The following KLHDC4 variants were observed in gnomAD, a reference collection of about 807,000 sequenced individuals.
The protein encoded by KLHDC4 is kelch domain containing 4.
In KLHDC4, 90 loss-of-function variants were observed where a neutral mutation model predicts 62.4. That is an observed-to-expected ratio of 1.44 (90% CI 1.22 to 1.72). The LOEUF is 1.72. KLHDC4 is among the 40% of genes most tolerant of loss of function. The pLI is 0.00. For missense variants in KLHDC4, 1,025 were observed against 699.7 expected (o/e 1.47, Z -5.25); for synonymous variants, 386 against 284.4 (o/e 1.36, Z -3.59).
chr16:87,705,044 C>T (rs1458234282), downstream of KLHDC4, among the ~76,000 whole-genome samples: 7 of 152,306 alleles, frequency 4.6e-5, no homozygotes, highest in African/African-American at 1.2e-4. Context: ...CTGGTACGCC[C>T]GCCCACCCTG....
At chr16:87,738,245 C>A (rs1269691162) in intron 5 of KLHDC4, among the ~76,000 whole-genome samples, 2 of 152,148 alleles carry the variant, frequency 1.3e-5, no homozygotes, top group African/African-American at 2.4e-5. Context: ...TGCCGAGGAG[C>A]CTTCTCCAGG....
chr16:87,757,602 A>C (rs1376325252), intron 2 of KLHDC4: 5 of 151,978 alleles, frequency 3.3e-5, no homozygotes, highest in African/African-American at 1.2e-4. Flanking sequence ...ACATAATAAT[A>C]TTATGGGCCA....
intron 7 of KLHDC4, among the ~76,000 whole-genome samples, chr16:87,717,854 C>A (rs998300142): frequency 6.6e-6 from 1 of 152,172 alleles, no homozygotes; most frequent in African/African-American, 2.4e-5. Context: ...CTATATGAAC[C>A]GTCTTGTTTT....
chr16:87,756,721 C>CAAAA (rs35385743), intron 2 of KLHDC4, among the ~76,000 whole-genome samples: 1 of 98,802 alleles, frequency 1.0e-5, no homozygotes, highest in Non-Finnish European at 2.2e-5. Context: ...GTTGTATTAA[C>CAAAA]AAAAAAAAAA....
intron 11 of KLHDC4, 70 bp downstream of exon 11, chr16:87,708,280 T>C: frequency 9.6e-7 from 1 of 1,045,188 alleles, no homozygotes; most frequent in Non-Finnish European, 1.4e-6. Flanking sequence ...CCAATAAGCA[T>C]CCGATAAACA....
chr16:87,711,593 A>G, intron 8 of KLHDC4, 150 bp from the exon 9 acceptor site: 1 of 646,502 alleles, frequency 1.5e-6, no homozygotes, highest in East Asian at 2.7e-5. Context: ...CCTCTGCAGA[A>G]AAACAGACAC....
chr16:87,754,904 A>C (rs1237916160), intron 4 of KLHDC4, among the ~76,000 whole-genome samples: 7 of 152,122 alleles, frequency 4.6e-5, no homozygotes, highest in Admixed American at 2.0e-4. Context: ...CCGTGGGCCT[A>C]GGGGGAGTGA....
chr16:87,719,912 G>A (rs1012020205), intron 7 of KLHDC4, among the ~76,000 whole-genome samples: 1 of 152,180 alleles, frequency 6.6e-6, no homozygotes, highest in African/African-American at 2.4e-5. Context: ...AGGCGCATCG[G>A]CCGCACACGC....
chr16:87,716,744 A>T (rs148218798), intron 7 of KLHDC4, among the ~76,000 whole-genome samples: 2,104 of 152,230 alleles, frequency 0.014, 26 homozygotes, highest in Non-Finnish European at 0.022. Context: ...ATCCTGGCTA[A>T]CACGATGAAA....
exon 1 of KLHDC4, chr16:87,701,842 A>C (rs1458646111): frequency 8.8e-6 from 4 of 456,620 alleles, no homozygotes; most frequent in Non-Finnish European, 1.8e-5. Flanking sequence ...CTGCTCGTTA[A>C]CAGCTGCCAT....
At chr16:87,709,826 G>T in intron 9 of KLHDC4, 159 bp from the exon 10 acceptor site, 2 of 803,656 alleles carry the variant, frequency 2.5e-6, no homozygotes, top group Non-Finnish European at 3.8e-6. Flanking sequence ...CTGGGTGCAG[G>T]CACTGGGCTG....
intron 7 of KLHDC4, among the ~76,000 whole-genome samples, chr16:87,715,426 G>T (rs1000132442): frequency 2.0e-5 from 3 of 152,116 alleles, no homozygotes; most frequent in Admixed American, 6.5e-5. Context: ...GTTACCGGGA[G>T]CGTGGCCCAC....
At chr16:87,717,275 A>T (rs900556498) in intron 7 of KLHDC4, among the ~76,000 whole-genome samples, 2 of 152,258 alleles carry the variant, frequency 1.3e-5, no homozygotes, top group Admixed American at 1.3e-4. Context: ...ATGGATGTGT[A>T]AACTGCTACC....
In KLHDC4 at chr16:87,765,960, G is replaced by A. The variant is rs1439492335; in HGVS notation, c.-70C>T. 2 of 1,441,016 alleles carry A rather than the reference G, an allele frequency of 1.4e-6. No homozygotes were observed. The highest frequency in any genetic ancestry group is 1.9e-6 in the Non-Finnish European group (2 of 1,053,606). 89.3% of individuals were successfully genotyped at this position (1,441,016 alleles called of 1,614,324 possible). ...GCCCGCGCTCTCCGCTCGGAAACAG[G>A]TGCTCGTGGGGCGGAGCTCGGCGCA... On this transcript the variant is annotated 5_prime_UTR_variant, in exon 1 of 12. Transcript: ENST00000270583.
At chr16:87,703,427 C>G (rs1006049059), downstream of KLHDC4, 1 of 152,530 alleles carries the variant, frequency 6.6e-6, no homozygotes, top group Non-Finnish European at 1.5e-5. Context: ...CAGGGTTTGT[C>G]ACAGCCTGTA....
At chr16:87,756,502 C>A (rs1358269372) in intron 2 of KLHDC4, 25 bp from the exon 3 acceptor site, 5 of 1,579,814 alleles carry the variant, frequency 3.2e-6, no homozygotes, top group Non-Finnish European at 4.4e-6. Context: ...AGCGGCAGGT[C>A]AGCAAGATCA....
intron 4 of KLHDC4, among the ~76,000 whole-genome samples, chr16:87,754,595 G>A (rs750563735): frequency 2.5e-4 from 38 of 152,188 alleles, no homozygotes; most frequent in Non-Finnish European, 3.7e-4. Context: ...TGGAGAGGCA[G>A]GCACTCATTC....
chr16:87,698,851 T>C (rs996889867), exon 1 of KLHDC4: 4 of 152,250 alleles, frequency 2.6e-5, no homozygotes, highest in African/African-American at 9.6e-5. Context: ...CAGGACAGCA[T>C]GTGCCCGGCT....
At position 87,749,953 on chromosome 16, in the gene KLHDC4, C is replaced by T. The variant is rs115770714; in HGVS notation, c.370-1144G>A. Among the ~76,000 whole-genome samples, 507 of 152,314 alleles carry T rather than the reference C, an allele frequency of 3.3e-3. 4 individuals carry two copies. Among genetic ancestry groups the T allele is most frequent in the African/African-American group, 0.012 (493 of 41,562 alleles). On this transcript the variant is annotated intron_variant, in intron 4 of 11. Coordinates refer to ENST00000270583, the MANE Select transcript of KLHDC4 (RefSeq NM_017566.4). ...GAAGGAGCGCAGCGGGAGTGATGCC[C>T]TCTGGGCCACACACGGCAAAGCACT...
Sources: gnomAD v4.1 joint callset for allele counts (sites outside exome capture counted in the v4.1 genomes callset) on GRCh38, gnomAD v4.1.1 for gene constraint, MANE v1.5 for transcripts, NCBI Gene and HGNC (gene_info 2026-07-23, HGNC 2026-07-21) for gene names.